MORC3: variants seen among roughly 807,000 people sequenced by gnomAD.
The protein encoded by MORC3 is MORC family CW-type zinc finger 3, also known as MORC family CW-type zinc finger protein 3.
In MORC3, 31 loss-of-function variants were observed where a neutral mutation model predicts 109.1. That is an observed-to-expected ratio of 0.28 (90% CI 0.21 to 0.38). The LOEUF (loss-of-function observed/expected upper bound fraction) is 0.38. Ranked by LOEUF, MORC3 falls within the 10% of genes least tolerant of loss-of-function variation. The pLI is 1.00. For synonymous variants in MORC3, 395 were observed against 380.7 expected, an observed-to-expected ratio of 1.04 and a Z score of -0.44; for missense variants, 867 against 1,135.8, an observed-to-expected ratio of 0.76 and a Z score of 3.40.
At chr21:36,341,254 CT>C in intron 5 of MORC3, 144 bp from the exon 6 acceptor site, 2 of 673,684 alleles carry the variant, frequency 3.0e-6, no homozygotes, top group Non-Finnish European at 4.8e-6. Context: ...TTCTTTTTCT[CT>C]TGCCTTTGCA....
rs2085832151 is a variant in MORC3, at chr21:36,369,732, T to A, written c.2364T>A (p.Ser788Arg). 6.2e-7 allele frequency: 1 copy of A among 1,614,186 alleles called. No individual in the cohort carries two copies. The highest frequency in any genetic ancestry group is 2.2e-5 in the East Asian group (1 of 44,886). Residue 788 changes from serine (S) to arginine (R), a missense_variant, in exon 15 of 17, where the codon AGT (serine) becomes AGA (arginine). Ser to Arg is a moderately radical substitution (Grantham distance 110). Transcript: ENST00000400485. ...EEIERLKKQC[S>R]ALQHVKAECS... ...TAGAAAGGCTGAAAAAACAATGTAG[T>A]GCTTTGCAACATGTAAAGGCTGAAT...
intron 9 of MORC3, among the ~76,000 whole-genome samples, chr21:36,350,197 C>G (rs1247663122): frequency 6.6e-6 from 1 of 152,046 alleles, no homozygotes; most frequent in Non-Finnish European, 1.5e-5. Context: ...GTCCCAGCTA[C>G]TCAGGAGGCT....
chr21:36,330,627 A>C (rs1357782825), intron 1 of MORC3, among the ~76,000 whole-genome samples: 1 of 152,188 alleles, frequency 6.6e-6, no homozygotes, highest in African/African-American at 2.4e-5. Flanking sequence ...CTCAGAATAA[A>C]CATCTTCAAA....
At chr21:36,333,767 G>GTTTTTT (rs367762969) in intron 2 of MORC3, 49 bp downstream of exon 2, 9 of 912,910 alleles carry the variant, frequency 9.9e-6, no homozygotes, top group Middle Eastern at 2.7e-4. Context: ...CAATTGTAGT[G>GTTTTTT]TTTTTTTTTT....
chr21:36,332,963 T>C (rs1275755582), intron 1 of MORC3, among the ~76,000 whole-genome samples: 1 of 152,060 alleles, frequency 6.6e-6, no homozygotes, highest in Non-Finnish European at 1.5e-5. Context: ...ACTTTTTTTG[T>C]ATTTTTAGTA....
rs144873225 is a variant in MORC3 at position 36,375,377 on chromosome 21, AGATAT to A, written c.*86_*90del. The A allele has an allele frequency of 1.1e-4, 139 of 1,280,082 alleles. No homozygotes were observed. The African/African-American group carries it at 1.8e-3, about 16-fold the overall frequency. 79.3% of individuals were successfully genotyped at this position (1,280,082 alleles called of 1,614,324 possible). ...CAAAATATAATTAATTTTGTTTTATAGATATGATAGGCAACAGACTGAAAACCATA... is the reference window on the plus strand; with the variant it reads ...CAAAATATAATTAATTTTGTTTTATAGATAGGCAACAGACTGAAAACCATA... On this transcript the variant is annotated 3_prime_UTR_variant, in exon 17 of 17. Coordinates refer to ENST00000400485, the MANE Select transcript of MORC3 (RefSeq NM_015358.3).
intron 3 of MORC3, 68 bp downstream of exon 3, chr21:36,337,074 T>TA: frequency 6.5e-7 from 1 of 1,544,572 alleles, no homozygotes; most frequent in South Asian, 1.2e-5. Flanking sequence ...ATGCCATACT[T>TA]ACTATTCTTG....
chr21:36,335,738 G>C (rs910246050), intron 2 of MORC3, among the ~76,000 whole-genome samples: 5 of 152,148 alleles, frequency 3.3e-5, no homozygotes, highest in African/African-American at 1.2e-4. Context: ...CAGAAACTTG[G>C]TTTAACTTGG....
chr21:36,354,320 T>A (rs1272431412), intron 9 of MORC3, among the ~76,000 whole-genome samples: 3 of 99,748 alleles, frequency 3.0e-5, no homozygotes, highest in Non-Finnish European at 6.0e-5. Context: ...TCTTTCTTTC[T>A]TTCTTTTTTT....
intron 9 of MORC3, among the ~76,000 whole-genome samples, chr21:36,350,565 T>C (rs2085559812): frequency 6.7e-6 from 1 of 148,674 alleles, no homozygotes; most frequent in Non-Finnish European, 1.5e-5. Context: ...AAAAAAAATT[T>C]CGGTTCTTTG....
chr21:36,328,330 G>GCC (rs997805995), intron 1 of MORC3, among the ~76,000 whole-genome samples: 1 of 138,036 alleles, frequency 7.2e-6, no homozygotes, highest in African/African-American at 2.6e-5. Flanking sequence ...ATAATAATAA[G>GCC]CCCCCCCCCG....
intron 10 of MORC3, among the ~76,000 whole-genome samples, chr21:36,359,009 A>G (rs1472749717): frequency 6.6e-6 from 1 of 152,196 alleles, no homozygotes; most frequent in East Asian, 1.9e-4. Context: ...ATATGAAAGC[A>G]TTTTGTAAAC....
intron 6 of MORC3, among the ~76,000 whole-genome samples, chr21:36,343,264 T>G (rs1034563055): frequency 6.6e-5 from 10 of 150,964 alleles, no homozygotes; most frequent in African/African-American, 2.4e-4. Flanking sequence ...CCCGGCTAAT[T>G]TTGCATTTTT....
At chr21:36,340,348 A>G (rs1365994011) in intron 5 of MORC3, among the ~76,000 whole-genome samples, 1 of 151,736 alleles carries the variant, frequency 6.6e-6, no homozygotes, top group African/African-American at 2.4e-5. Flanking sequence ...TGATACAGTC[A>G]AGATGCAGGA....
chr21:36,333,453 G>A (rs1276555573), intron 1 of MORC3, 193 bp from the exon 2 acceptor site: 2 of 588,586 alleles, frequency 3.4e-6, no homozygotes, highest in Admixed American at 3.1e-5. Context: ...TGAGTAAGCT[G>A]TTTAGTTGGT....
intron 4 of MORC3, 119 bp downstream of exon 4, chr21:36,338,065 A>T: frequency 9.9e-7 from 1 of 1,007,998 alleles, no homozygotes; most frequent in South Asian, 1.6e-5. Flanking sequence ...TCCATTTCTT[A>T]CCTCTGTCCT....
At chr21:36,342,121 G>A (rs2085455369) in intron 6 of MORC3, among the ~76,000 whole-genome samples, 2 of 151,986 alleles carry the variant, frequency 1.3e-5, no homozygotes, top group African/African-American at 2.4e-5. Flanking sequence ...CCAGCTACTC[G>A]GGAGGCTGAG....
At position 36,364,073 on chromosome 21, in the gene MORC3, A is replaced by T; in HGVS notation, c.1453-20A>T. ...CACTAGAAATAGTTCCTTTAAGGTG[A>T]TGATTTTTCCCTCCAACAGATTAAT... On this transcript the variant is annotated intron_variant, in intron 13 of 16. Coordinates refer to ENST00000400485, the MANE Select transcript of MORC3 (RefSeq NM_015358.3). The T allele has an allele frequency of 6.2e-7, 1 of 1,607,914 alleles. No individual in the cohort carries two copies. The highest frequency in any genetic ancestry group is 8.5e-7 in the Non-Finnish European group (1 of 1,177,446).
At chr21:36,328,925 A>G (rs1312148107) in intron 1 of MORC3, among the ~76,000 whole-genome samples, 3 of 152,016 alleles carry the variant, frequency 2.0e-5, no homozygotes, top group African/African-American at 4.8e-5. Context: ...AAAAAAGAAA[A>G]AGAAATTGTA....
Sources: gnomAD v4.1 joint callset for allele counts (sites outside exome capture counted in the v4.1 genomes callset) on GRCh38, gnomAD v4.1.1 for gene constraint, MANE v1.5 for transcripts, NCBI Gene and HGNC (gene_info 2026-07-23, HGNC 2026-07-21) for gene names.